NFU1: variants seen among roughly 807,000 people sequenced by gnomAD.
NFU1 encodes NFU1 iron-sulfur cluster scaffold.
Under a neutral mutation model 32.2 loss-of-function variants are expected in NFU1, and 30 were observed. The ratio of observed to expected loss-of-function variants is 0.93; its 90% CI spans 0.70 to 1.26. NFU1 has a LOEUF of 1.26. Among genes scored for constraint, NFU1 ranks in the 50% most tolerant of loss-of-function variants. NFU1 has a pLI of 0.00. For synonymous variants in NFU1, 112 were observed against 104.6 expected, an observed-to-expected ratio of 1.07 and a Z score of -0.43; for missense variants, 306 against 306.6, an observed-to-expected ratio of 1.00 and a Z score of 0.02.
chr2:69,396,376 C>A, intron 7 of NFU1, 86 bp from the exon 8 acceptor site: 3 of 899,506 alleles, frequency 3.3e-6, no homozygotes, highest in Admixed American at 1.9e-5. Context: ...ACTTCTTTAC[C>A]TGATACACTC....
chr2:69,397,806 T>C (rs1445545116), intron 7 of NFU1, among the ~76,000 whole-genome samples: 1 of 149,850 alleles, frequency 6.7e-6, no homozygotes, highest in Non-Finnish European at 1.5e-5. Context: ...CCCAGCTACC[T>C]GGGAAGCTAA....
intron 5 of NFU1, among the ~76,000 whole-genome samples, chr2:69,414,162 C>T (rs973923859): frequency 6.6e-6 from 1 of 152,240 alleles, no homozygotes; most frequent in East Asian, 1.9e-4. Context: ...AAAATTAGTA[C>T]AAAAACTTTA....
chr2:69,410,771 G>T (rs1288178221), intron 5 of NFU1: 1 of 151,994 alleles, frequency 6.6e-6, no homozygotes, highest in Non-Finnish European at 1.5e-5. Context: ...CACATAAATG[G>T]GAAAATTTGG....
intron 7 of NFU1, among the ~76,000 whole-genome samples, chr2:69,398,151 A>T (rs901795993): frequency 6.6e-6 from 1 of 152,186 alleles, no homozygotes; most frequent in Non-Finnish European, 1.5e-5. Context: ...CTTAATACAA[A>T]GCATGTATAG....
chr2:69,415,252 T>C lies in NFU1; in HGVS notation c.417A>G (p.Ala139=). The part of the protein sequence containing the change: ...DWNLLKPDIY[A]TIMDFFASGL... ...CAGATGCAAAGAAGTCCATGATTGT[T>C]GCATAAATATCTGGTTTCAGTAAAT... is the stretch of plus-strand genomic sequence containing the variant. The change falls in exon 5 of 8, where the codon GCA becomes GCG. Residue 139 remains alanine, a synonymous_variant. Transcript: ENST00000410022. 6.2e-7 allele frequency: 1 copy of C among 1,613,046 alleles called. No individual in the cohort carries two copies. Among genetic ancestry groups the C allele is most frequent in the Non-Finnish European group, 8.5e-7 (1 of 1,179,052 alleles).
At chr2:69,410,276 C>G (rs1226246088) in intron 5 of NFU1, among the ~76,000 whole-genome samples, 1 of 152,076 alleles carries the variant, frequency 6.6e-6, no homozygotes, top group Non-Finnish European at 1.5e-5. Context: ...GTAATCCCAG[C>G]TGCTCAGGTG....
chr2:69,438,805 T>C, upstream of NFU1, among the ~76,000 whole-genome samples: 1 of 151,586 alleles, frequency 6.6e-6, no homozygotes, highest in East Asian at 1.9e-4. Flanking sequence ...CTCCTACGAG[T>C]TTGGTTCATT....
upstream of NFU1, among the ~76,000 whole-genome samples, chr2:69,438,427 C>CAGT (rs899802880): frequency 1.8e-4 from 28 of 151,738 alleles, no homozygotes; most frequent in Admixed American, 1.2e-3. Flanking sequence ...CTTTTATTAG[C>CAGT]AGTAGTAGTA....
At chr2:69,396,763 G>A (rs1051019998) in intron 7 of NFU1, among the ~76,000 whole-genome samples, 1 of 152,120 alleles carries the variant, frequency 6.6e-6, no homozygotes, top group Non-Finnish European at 1.5e-5. Flanking sequence ...TCTCAGCTGG[G>A]CAGAAAAGAC....
chr2:69,423,072 G>A (rs1021959964), intron 3 of NFU1, among the ~76,000 whole-genome samples: 1 of 151,800 alleles, frequency 6.6e-6, no homozygotes, highest in Non-Finnish European at 1.5e-5. Context: ...AACCTCCCAG[G>A]CTCAAGCGAT....
intron 2 of NFU1, among the ~76,000 whole-genome samples, chr2:69,428,160 A>T (rs778739539): frequency 6.6e-6 from 1 of 152,074 alleles, no homozygotes; most frequent in Non-Finnish European, 1.5e-5. Context: ...GCAGTGGGTT[A>T]TGCCTATAAT....
chr2:69,412,492 T>A (rs1203960885), intron 5 of NFU1, among the ~76,000 whole-genome samples: 1 of 148,818 alleles, frequency 6.7e-6, no homozygotes, highest in African/African-American at 2.5e-5. Context: ...ATTCAAGCAA[T>A]TCTTCTGCCC....
chr2:69,415,301 TA>T lies in NFU1; in HGVS notation c.370-3del. ...ATTCCAGTCTAATTCTTCATTTTCC[TA>T]TAAACATTTAAAGGAAAATGCTGTA... On this transcript the variant is annotated splice_polypyrimidine_tract_variant and splice_region_variant and intron_variant, in intron 4 of 7. Transcript: ENST00000410022. 6.5e-7 allele frequency: 1 copy of T among 1,545,954 alleles called. No individual in the cohort carries two copies. The highest frequency in any genetic ancestry group is 8.9e-7 in the Non-Finnish European group (1 of 1,118,966).
chr2:69,434,588 C>G (rs1270142257), intron 1 of NFU1, among the ~76,000 whole-genome samples: 1 of 151,974 alleles, frequency 6.6e-6, no homozygotes, highest in Non-Finnish European at 1.5e-5. Context: ...TCTTAAAATC[C>G]CAATGCAATT....
chr2:69,417,321 C>T (rs1673089080), intron 4 of NFU1, among the ~76,000 whole-genome samples: 1 of 151,654 alleles, frequency 6.6e-6, no homozygotes, highest in Admixed American at 6.6e-5. Flanking sequence ...TGGAAGAAAA[C>T]AAAATAAATC....
At chr2:69,437,183 G>A (rs1673871320) in intron 1 of NFU1, 178 bp downstream of exon 1, 3 of 1,372,440 alleles carry the variant, frequency 2.2e-6, no homozygotes, top group Non-Finnish European at 2.9e-6. Flanking sequence ...CCACAGAAGC[G>A]CCGAGCTCCC....
chr2:69,423,775 A>C (rs1673348165), intron 2 of NFU1, 58 bp from the exon 3 acceptor site: 6 of 1,256,474 alleles, frequency 4.8e-6, no homozygotes, highest in Non-Finnish European at 5.7e-6. Context: ...AAGTTTATGG[A>C]CTATGAAGTG....
chr2:69,437,796 C>G (rs187768715), upstream of NFU1, among the ~76,000 whole-genome samples: 6 of 152,356 alleles, frequency 3.9e-5, no homozygotes, highest in East Asian at 1.2e-3. Context: ...CCTACTCAGC[C>G]TCCAGGCCCA....
At chr2:69,396,849 G>T (rs901459111) in intron 7 of NFU1, among the ~76,000 whole-genome samples, 5 of 152,016 alleles carry the variant, frequency 3.3e-5, no homozygotes, top group Non-Finnish European at 4.4e-5. Context: ...GAGGCAGGCA[G>T]ATCATGAGGG....
Sources: gnomAD v4.1 joint callset for allele counts (sites outside exome capture counted in the v4.1 genomes callset) on GRCh38, gnomAD v4.1.1 for gene constraint, MANE v1.5 for transcripts, NCBI Gene and HGNC (gene_info 2026-07-23, HGNC 2026-07-21) for gene names.